The following GRK5 variants were observed in gnomAD, a reference collection of about 807,000 sequenced individuals.
The protein encoded by GRK5 is G protein-coupled receptor kinase 5.
In GRK5, 40 loss-of-function variants were observed where a neutral mutation model predicts 78.4. The observed-to-expected ratio is 0.51, with a 90% CI of 0.40 to 0.66. The LOEUF (loss-of-function observed/expected upper bound fraction) is 0.66, where lower values mean the gene tolerates loss of function less well. Ranked by LOEUF, GRK5 falls within the 30% of genes least tolerant of loss-of-function variation. The pLI is 0.00. For missense variants in GRK5, 598 were observed against 759.9 expected, an observed-to-expected ratio of 0.79 and a Z score of 2.50; for synonymous variants, 289 against 296.8, an observed-to-expected ratio of 0.97 and a Z score of 0.27.
At position 119,445,042 on chromosome 10, in the gene GRK5, C is replaced by T. The variant is rs987887037; in HGVS notation, c.1266+1290C>T. On this transcript the variant is annotated intron_variant, in intron 12 of 15. Transcript: ENST00000392870. This position sits in a 1 kb window ranked among gnomAD's most constrained non-coding sequence, Gnocchi z 4.1. ...TGTCACCAACCTCATCCTCACATCA[C>T]AGAGCTGTGGGAAGAAGTCCTGTGT... is the stretch of plus-strand genomic sequence containing the variant. Among the ~76,000 whole-genome samples, 1 of 152,172 alleles carries T rather than the reference C, an allele frequency of 6.6e-6. No individual in the cohort carries two copies. The highest frequency in any genetic ancestry group is 2.4e-5 in the African/African-American group (1 of 41,448).
chr10:119,291,573 C>CTCCTCCTCCTCT (rs1849957792), intron 1 of GRK5, among the ~76,000 whole-genome samples: 1 of 136,360 alleles, frequency 7.3e-6, no homozygotes, highest in African/African-American at 3.0e-5. Context: ...CCTCCTCTTC[C>CTCCTCCTCCTCT]TCCTCCTCCT....
At chr10:119,448,675 T>C (rs1184171008) in intron 13 of GRK5, among the ~76,000 whole-genome samples, 4 of 152,220 alleles carry the variant, frequency 2.6e-5, no homozygotes, top group Non-Finnish European at 4.4e-5. Context: ...TTGACCAGCA[T>C]GCATGCATCG....
chr10:119,241,213 G>A (rs983308087), intron 1 of GRK5, among the ~76,000 whole-genome samples: 5 of 152,118 alleles, frequency 3.3e-5, no homozygotes, highest in East Asian at 3.9e-4. Flanking sequence ...ATCTATCCCC[G>A]GGGCTTCTGT....
chr10:119,291,591 C>CTCCTCCTCCTCT (rs1433353966), intron 1 of GRK5, among the ~76,000 whole-genome samples: 22 of 142,870 alleles, frequency 1.5e-4, no homozygotes, highest in African/African-American at 5.1e-4. Context: ...CCTCTTCCTC[C>CTCCTCCTCCTCT]TCCTCCTCCT....
intron 2 of GRK5, among the ~76,000 whole-genome samples, chr10:119,356,633 C>T (rs890988054): frequency 6.6e-6 from 1 of 152,134 alleles, no homozygotes; most frequent in Non-Finnish European, 1.5e-5. Context: ...AGGCTTTGGG[C>T]TCTTCCAGTT....
chr10:119,382,862 C>G (rs1173355375), intron 3 of GRK5, among the ~76,000 whole-genome samples: 1 of 152,160 alleles, frequency 6.6e-6, no homozygotes, highest in Non-Finnish European at 1.5e-5. Flanking sequence ...GAGCTTCCCA[C>G]AGTCTGAATT....
chr10:119,236,463 CT>C (rs1848933030), intron 1 of GRK5, among the ~76,000 whole-genome samples: 1 of 152,158 alleles, frequency 6.6e-6, no homozygotes, highest in Non-Finnish European at 1.5e-5. Flanking sequence ...ATCCGCCCGC[CT>C]TGGCCTCCCA....
At chr10:119,297,248 T>C (rs557621707) in intron 1 of GRK5, among the ~76,000 whole-genome samples, 1 of 152,186 alleles carries the variant, frequency 6.6e-6, no homozygotes, top group Non-Finnish European at 1.5e-5. Flanking sequence ...GAAAATGAAA[T>C]GTGATGAAGC....
chr10:119,285,122 A>G (rs892671167), intron 1 of GRK5, among the ~76,000 whole-genome samples: 4 of 152,204 alleles, frequency 2.6e-5, no homozygotes, highest in Non-Finnish European at 5.9e-5. Flanking sequence ...TCTAGAGTGA[A>G]GTCATCAGAC....
chr10:119,224,911 G>A (rs1848710402), intron 1 of GRK5, among the ~76,000 whole-genome samples: 2 of 152,196 alleles, frequency 1.3e-5, no homozygotes, highest in African/African-American at 4.8e-5. Context: ...GTGCAGCTTG[G>A]CCAGGTGATC....
chr10:119,343,042 G>A (rs1313724709), intron 2 of GRK5, among the ~76,000 whole-genome samples: 1 of 152,234 alleles, frequency 6.6e-6, no homozygotes, highest in Non-Finnish European at 1.5e-5. Context: ...GGGTCCCAGT[G>A]TGGGGCTGGG....
chr10:119,278,553 C>T (rs1849705286), intron 1 of GRK5, among the ~76,000 whole-genome samples: 1 of 152,096 alleles, frequency 6.6e-6, no homozygotes, highest in Non-Finnish European at 1.5e-5. Flanking sequence ...GACTTGGGCC[C>T]ACTGAAGAGA....
At chr10:119,307,426 G>T (rs2133731828) in intron 1 of GRK5, among the ~76,000 whole-genome samples, 1 of 152,268 alleles carries the variant, frequency 6.6e-6, no homozygotes. Context: ...GGGATATCAG[G>T]TGGGCCTGAT....
At position 119,418,296 on chromosome 10, in the gene GRK5, C is replaced by T. The variant is rs1420821326; in HGVS notation, c.340-4870C>T. 2.6e-5 allele frequency among the ~76,000 whole-genome samples: 4 copies of T among 152,316 alleles called. No individual in the cohort carries two copies. The East Asian group carries it at 7.7e-4, about 29-fold the overall frequency. ...AGCTTCAAGGTTACCTCTGTCCCTCCCCAGCTTCAGGGGGGACCAGAAGGG... is the reference window on the plus strand; with the variant it reads ...AGCTTCAAGGTTACCTCTGTCCCTCTCCAGCTTCAGGGGGGACCAGAAGGG... On this transcript the variant is annotated intron_variant, in intron 4 of 15. Transcript: ENST00000392870.
At chr10:119,428,757 T>C (rs1388761346) in intron 6 of GRK5, among the ~76,000 whole-genome samples, 2 of 152,248 alleles carry the variant, frequency 1.3e-5, no homozygotes, top group Non-Finnish European at 2.9e-5. Context: ...TTTTGGAGCC[T>C]GTAGGGCAGG....
chr10:119,249,969 T>C (rs1849175298), intron 1 of GRK5, among the ~76,000 whole-genome samples: 1 of 152,210 alleles, frequency 6.6e-6, no homozygotes, highest in Non-Finnish European at 1.5e-5. Context: ...CACTAAGTCA[T>C]GCTCCCAACA....
At chr10:119,245,393 G>C (rs1849091371) in intron 1 of GRK5, among the ~76,000 whole-genome samples, 1 of 152,240 alleles carries the variant, frequency 6.6e-6, no homozygotes, top group South Asian at 2.1e-4. Flanking sequence ...ATAGGTAAAT[G>C]AATGAAATGA....
intron 2 of GRK5, among the ~76,000 whole-genome samples, chr10:119,344,482 C>T (rs1218469381): frequency 6.6e-6 from 1 of 152,188 alleles, no homozygotes; most frequent in African/African-American, 2.4e-5. Context: ...TTGTGACGCC[C>T]GGTCGCAGGA....
intron 1 of GRK5, among the ~76,000 whole-genome samples, chr10:119,261,098 A>G (rs1849383759): frequency 4.8e-5 from 6 of 124,928 alleles, no homozygotes; most frequent in Admixed American, 2.4e-4. Context: ...CTCACTTCCC[A>G]GACTGGGTGG....
Sources: gnomAD v4.1 joint callset for allele counts (sites outside exome capture counted in the v4.1 genomes callset) on GRCh38, gnomAD v4.1.1 for gene constraint, Gnocchi (gnomAD v3.1) non-coding constraint, MANE v1.5 for transcripts, NCBI Gene and HGNC (gene_info 2026-07-23, HGNC 2026-07-21) for gene names.